PWWP2A: variants seen among roughly 807,000 people sequenced by gnomAD.
PWWP2A encodes PWWP domain-containing protein 2A.
PWWP2A carries 18 observed loss-of-function variants against 48.5 expected under a neutral mutation model. The observed-to-expected ratio is 0.37, with a 90% CI of 0.26 to 0.55. The LOEUF (loss-of-function observed/expected upper bound fraction) is 0.55. PWWP2A is among the 20% of genes least tolerant of loss of function. PWWP2A has a pLI of 0.81. For missense variants in PWWP2A, 867 were observed against 976.4 expected (o/e 0.89, Z 1.49); for synonymous variants, 396 against 387.7 (o/e 1.02, Z -0.25).
rs77349199 is a variant in PWWP2A at position 160,079,397 on chromosome 5, C to T, written c.1670-1229G>A. ...AAGTGACCTCTAGGGACAAATACTA[C>T]ACACATCAAGATGAAAGATGAATGT... On this transcript the variant is annotated intron_variant, in intron 3 of 3. Coordinates refer to the PWWP2A transcript ENST00000456329. Among the ~76,000 whole-genome samples, 12 of 151,484 alleles carry T rather than the reference C, an allele frequency of 7.9e-5. No homozygotes were observed. The East Asian group carries it at 2.3e-3, about 29-fold the overall frequency.
intron 4 of PWWP2A, among the ~76,000 whole-genome samples, chr5:160,066,158 C>A (rs1753600576): frequency 6.6e-6 from 1 of 152,104 alleles, no homozygotes; most frequent in South Asian, 2.1e-4. Flanking sequence ...ACTGTTAAAT[C>A]TGGCATCCAA....
rs1438120814 is a variant in PWWP2A at position 160,093,222 on chromosome 5, T to C, written c.1428A>G (p.Leu476=). The change falls in exon 2 of 2, where the codon TTA becomes TTG. Residue 476 remains leucine, a synonymous_variant. Transcript: ENST00000307063. The surrounding 1 kb of genome is among the most constrained non-coding windows in gnomAD (Gnocchi z 5.8). ...SSGSLPPRVR[L]KPQRYRNEEN... ...CTTCATTCCTGTACCTCTGTGGTTTTAAACGAACCCGGGGTGGAAGGGAAC... is the reference window on the plus strand; with the variant it reads ...CTTCATTCCTGTACCTCTGTGGTTTCAAACGAACCCGGGGTGGAAGGGAAC... 2 of 1,614,028 alleles carry C rather than the reference T, an allele frequency of 1.2e-6. No individual in the cohort carries two copies. The highest frequency in any genetic ancestry group is 2.2e-5 in the East Asian group (1 of 44,882).
chr5:160,049,427 A>C, the PWWP2A span: 1 of 1,236,528 alleles, frequency 8.1e-7, no homozygotes, highest in East Asian at 2.6e-5. Context: ...GTATCCTTGG[A>C]GGATGATTGA....
At chr5:160,071,100 G>T (rs1423172606), downstream of PWWP2A, among the ~76,000 whole-genome samples, 2 of 152,102 alleles carry the variant, frequency 1.3e-5, no homozygotes, top group African/African-American at 4.8e-5. Flanking sequence ...GAGGTGGGAG[G>T]ATCACCAGAG....
chr5:160,092,171 T>G lies in PWWP2A; in HGVS notation c.*211A>C. 7.6e-7 allele frequency: 1 copy of G among 1,323,146 alleles called. No individual in the cohort carries two copies. The allele number at this position is 1,323,146 out of a possible 1,614,324, so 82.0% of individuals were successfully genotyped here. A position where few individuals can be genotyped will look rare whatever the true frequency, so the allele number is the denominator to read the frequency against. ...GAACTTCAAAACTGAAAAATACTGC[T>G]AAAATCTCACTTCCTTAACACAAAA... On this transcript the variant is annotated 3_prime_UTR_variant, in exon 2 of 2. Coordinates refer to ENST00000307063, the MANE Select transcript of PWWP2A (RefSeq NM_001130864.2).
chr5:160,112,635 G>A (rs545219420), intron 1 of PWWP2A, among the ~76,000 whole-genome samples: 120 of 151,946 alleles, frequency 7.9e-4, no homozygotes, highest in Non-Finnish European at 1.0e-3. Flanking sequence ...CTACCTAGAA[G>A]ATAGAAAGGA....
chr5:160,068,451 T>A (rs1012123596), intron 2 of PWWP2A, among the ~76,000 whole-genome samples: 1 of 151,792 alleles, frequency 6.6e-6, no homozygotes, highest in Admixed American at 6.6e-5. Flanking sequence ...AATACAAAAT[T>A]AGCCGGGCGT....
intron 1 of PWWP2A, among the ~76,000 whole-genome samples, chr5:160,107,126 C>T (rs2113632820): frequency 6.6e-6 from 1 of 152,282 alleles, no homozygotes; most frequent in Non-Finnish European, 1.5e-5. Context: ...CGTGACCGGC[C>T]TTAACCGGGA....
the PWWP2A span, among the ~76,000 whole-genome samples, chr5:160,047,218 G>A: frequency 3.3e-5 from 5 of 152,018 alleles, no homozygotes; most frequent in Admixed American, 6.6e-5. Context: ...CTTCTTGGAT[G>A]TCTGGTAGGC....
the PWWP2A span, among the ~76,000 whole-genome samples, chr5:160,045,551 CT>C: frequency 1.6e-4 from 23 of 144,874 alleles, no homozygotes; most frequent in Middle Eastern, 3.6e-3. Flanking sequence ...CTCTCTCTCT[CT>C]CCCCCTCCCC....
At chr5:160,110,712 GAAATA>G (rs1757471873) in intron 1 of PWWP2A, among the ~76,000 whole-genome samples, 2 of 151,176 alleles carry the variant, frequency 1.3e-5, no homozygotes, top group Non-Finnish European at 2.9e-5. Context: ...ACCTCAAAAT[GAAATA>G]AAATAAAATA....
In PWWP2A at chr5:160,093,899, G is replaced by A. The variant is rs200840094; in HGVS notation, c.751C>T (p.Leu251=). The A allele has an allele frequency of 9.3e-6, 15 of 1,614,068 alleles. No individual in the cohort carries two copies. The highest frequency in any genetic ancestry group is 1.7e-6 in the Non-Finnish European group (2 of 1,179,910). ...GTCCACAGGCTTTCAGCCAAGCTCAGCTCGGGATGCGGGACAGGAGAAGGG... is the reference window on the plus strand; with the variant it reads ...GTCCACAGGCTTTCAGCCAAGCTCAACTCGGGATGCGGGACAGGAGAAGGG... ...DDPSPVPHPE[L]SLAESLWTSK... The change falls in exon 2 of 2, where the codon CTG becomes TTG. Residue 251 remains leucine (L), a synonymous_variant. Transcript: ENST00000307063. The surrounding 1 kb of genome is among the most constrained non-coding windows in gnomAD (Gnocchi z 5.8).
chr5:160,113,144 G>C, intron 1 of PWWP2A: 1 of 787,072 alleles, frequency 1.3e-6, no homozygotes, highest in African/African-American at 2.0e-5. Flanking sequence ...GGTGACAGAA[G>C]CAAGACTCTG....
chr5:160,048,620 G>A, the PWWP2A span, among the ~76,000 whole-genome samples: 3 of 152,252 alleles, frequency 2.0e-5, no homozygotes, highest in Non-Finnish European at 2.9e-5. Context: ...GTAGTTTGAG[G>A]GTTGAAGGAA....
downstream of PWWP2A, among the ~76,000 whole-genome samples, chr5:160,073,004 CAAAAAAAAAAA>C (rs35836307): frequency 8.5e-5 from 5 of 58,830 alleles, no homozygotes; most frequent in South Asian, 8.7e-4. Context: ...GGCTCCGTCT[CAAAAAAAAAAA>C]AAAAAAAAAA....
downstream of PWWP2A, among the ~76,000 whole-genome samples, chr5:160,073,295 C>G (rs1753789755): frequency 6.6e-6 from 1 of 150,862 alleles, no homozygotes; most frequent in Non-Finnish European, 1.5e-5. Flanking sequence ...GTGGCGCGAT[C>G]TCAGCTCACT....
chr5:160,102,085 G>A (rs758621028), intron 1 of PWWP2A, among the ~76,000 whole-genome samples: 4 of 149,252 alleles, frequency 2.7e-5, no homozygotes, highest in Non-Finnish European at 4.4e-5. Context: ...CCTCCAGCCT[G>A]GGCAATAAGA....
chr5:160,049,803 C>T, the PWWP2A span: 7 of 727,622 alleles, frequency 9.6e-6, no homozygotes, highest in South Asian at 3.1e-5. Context: ...GGAGGCCAGG[C>T]GCAGTGGCTC....
Position 160,113,151 on chromosome 5 carries a change from T to G in PWWP2A, c.584+5654A>C. 2.4e-6 allele frequency: 2 copies of G among 824,404 alleles called. 1 individual carries two copies. The highest frequency in any genetic ancestry group is 1.2e-4 in the South Asian group (2 of 17,264). The allele number at this position is 824,404 out of a possible 1,614,324, so 51.1% of individuals were successfully genotyped here. A position where few individuals can be genotyped will look rare whatever the true frequency, so the allele number is the denominator to read the frequency against. The stretch of plus-strand genomic sequence containing the variant: ...CCAGCCTGGGTGACAGAAGCAAGAC[T>G]CTGTGTCAAAAAAAAAAAAGAAAAA... On this transcript the variant is annotated intron_variant, in intron 1 of 1. Coordinates refer to ENST00000307063, the MANE Select transcript of PWWP2A (RefSeq NM_001130864.2).
Sources: allele counts gnomAD v4.1 joint callset (sites outside exome capture counted in the v4.1 genomes callset), GRCh38; gene constraint gnomAD v4.1.1; non-coding constraint Gnocchi (gnomAD v3.1); transcripts MANE v1.5; gene names NCBI Gene and HGNC (gene_info 2026-07-23, HGNC 2026-07-21).